THOC2: variants seen among roughly 807,000 people sequenced by gnomAD.
THOC2 encodes the protein THO complex subunit 2, also known as THO complex 2.
Under a neutral mutation model 128.4 loss-of-function variants are expected in THOC2, and 10 were observed. The ratio of observed to expected loss-of-function variants is 0.08; its 90% CI spans 0.05 to 0.13. The LOEUF (loss-of-function observed/expected upper bound fraction) is 0.13. Among genes scored for constraint, THOC2 ranks in the 10% least tolerant of loss-of-function variants. The probability of loss-of-function intolerance (pLI) is 1.00; values close to 1 mark genes in which losing one functional copy is unlikely to be tolerated. For missense variants in THOC2, 535 were observed against 1,155.7 expected, an observed-to-expected ratio of 0.46 and a Z score of 7.79; for synonymous variants, 393 against 396.9, an observed-to-expected ratio of 0.99 and a Z score of 0.12.
At chrX:123,644,201 A>G (rs1214537302) in intron 15 of THOC2, among the ~76,000 whole-genome samples, 1 of 112,507 alleles carries the variant, frequency 8.9e-6, no homozygotes. Flanking sequence ...TCATTATGGT[A>G]ACTTTCAGCA....
intron 4 of THOC2, among the ~76,000 whole-genome samples, chrX:123,698,330 C>G (rs6648541): frequency 9.1e-6 from 1 of 109,821 alleles, no homozygotes; most frequent in East Asian, 2.9e-4. Flanking sequence ...TGGTGGCACA[C>G]GCCTGTAATT....
rs376425438 is a variant in THOC2 at position 123,606,856 on chromosome X, A to G, written c.*18+4062T>C. Among the ~76,000 whole-genome samples, 11 of 111,536 alleles carry G rather than the reference A, an allele frequency of 9.9e-5. No individual in the cohort carries two copies. In the East Asian group the frequency reaches 1.7e-3, roughly 17 times the overall value. On this transcript the variant is annotated intron_variant, in intron 38 of 38. Transcript: ENST00000245838. ...ATGTTCTTTAAAATCAAAGTCCTAC[A>G]TCCAAAATAATAAAAAGCAAGGAGA...
At chrX:123,656,257 G>C (rs1430542710) in intron 12 of THOC2, among the ~76,000 whole-genome samples, 6 of 105,014 alleles carry the variant, frequency 5.7e-5, no homozygotes, top group Non-Finnish European at 9.8e-5. Context: ...CGTGAACCCG[G>C]GAGGCAGAGG....
chrX:123,627,595 C>A (rs1374903410), intron 23 of THOC2, 98 bp downstream of exon 23: 8 of 858,408 alleles, frequency 9.3e-6, no homozygotes, highest in Non-Finnish European at 1.1e-5. Flanking sequence ...GCAACAAGAT[C>A]ACTGTTTTAA....
chrX:123,699,500 A>G (rs2050602361), intron 4 of THOC2, among the ~76,000 whole-genome samples: 1 of 111,846 alleles, frequency 8.9e-6, no homozygotes, highest in African/African-American at 3.2e-5. Flanking sequence ...GGGACTCCCA[A>G]TTGTTGCCCT....
chrX:123,638,748 A>T (rs866475421), intron 17 of THOC2, among the ~76,000 whole-genome samples, 186 bp downstream of exon 17: 1 of 103,660 alleles, frequency 9.6e-6, no homozygotes, highest in African/African-American at 3.8e-5. Flanking sequence ...ACACACACAC[A>T]CACTCTCTCT....
At chrX:123,660,658 T>C (rs1389459004) in intron 12 of THOC2, among the ~76,000 whole-genome samples, 2 of 112,324 alleles carry the variant, frequency 1.8e-5, no homozygotes, top group South Asian at 7.4e-4. Context: ...CTAGCTAACA[T>C]GAATCATCCT....
At chrX:123,608,091 A>AT (rs990401836) in intron 38 of THOC2, among the ~76,000 whole-genome samples, 25 of 109,944 alleles carry the variant, frequency 2.3e-4, no homozygotes, top group Middle Eastern at 4.7e-3. Flanking sequence ...TCCATTTAAA[A>AT]TTTTTTTTTG....
chrX:123,731,335 C>G (rs2052243397), intron 1 of THOC2, among the ~76,000 whole-genome samples: 1 of 110,953 alleles, frequency 9.0e-6, no homozygotes, highest in Non-Finnish European at 1.9e-5. Context: ...TGTGTTAAAC[C>G]AAAAGAAATA....
intron 16 of THOC2, 22 bp from the exon 17 acceptor site, chrX:123,639,049 T>C (rs753966219): frequency 1.1e-5 from 10 of 902,548 alleles, no homozygotes; most frequent in African/African-American, 2.0e-5. Flanking sequence ...CAACAAACAA[T>C]AGAAGGCATT....
intron 38 of THOC2, among the ~76,000 whole-genome samples, chrX:123,608,809 G>A (rs965818367): frequency 8.9e-6 from 1 of 112,147 alleles, no homozygotes; most frequent in African/African-American, 3.2e-5. Context: ...AGAAAGTATC[G>A]TACAAAGTTG....
Position 123,638,022 on chromosome X carries a change from T to C in THOC2, c.1921+21A>G, listed in dbSNP as rs373888228. On this transcript the variant is annotated intron_variant, in intron 18 of 38. Transcript: ENST00000245838. Reference sequence around the variant, plus strand: ...TTACCACAGATAGTAATTTCATCTTTGGAAAAATAAAAATACTTACTCTGA... The same window carrying C: ...TTACCACAGATAGTAATTTCATCTTCGGAAAAATAAAAATACTTACTCTGA... 4.5e-5 allele frequency: 51 copies of C among 1,131,313 alleles called. No individual in the cohort carries two copies. The African/African-American group carries it at 7.8e-4, about 17-fold the overall frequency. The allele number at this position is 1,131,313 out of a possible 1,213,427, so 93.2% of individuals were successfully genotyped here. A position where few individuals can be genotyped will look rare whatever the true frequency, so the allele number is the denominator to read the frequency against.
intron 36 of THOC2, among the ~76,000 whole-genome samples, chrX:123,612,623 G>T (rs998694783): frequency 3.6e-5 from 4 of 111,181 alleles, no homozygotes; most frequent in African/African-American, 1.3e-4. Flanking sequence ...ACAATACTGT[G>T]AATATACTAA....
At chrX:123,667,388 T>C in intron 10 of THOC2, 110 bp from the exon 11 acceptor site, 1 of 534,291 alleles carries the variant, frequency 1.9e-6, no homozygotes, top group Non-Finnish European at 3.0e-6. Flanking sequence ...ATATTTGCTA[T>C]TCATGGGAAA....
intron 8 of THOC2, among the ~76,000 whole-genome samples, chrX:123,678,165 T>G (rs1314282934): frequency 9.0e-6 from 1 of 111,624 alleles, no homozygotes; most frequent in Non-Finnish European, 1.9e-5. Context: ...TTGCCTGGTT[T>G]GTTTGTTTCA....
intron 17 of THOC2, 58 bp from the exon 18 acceptor site, chrX:123,638,181 A>C: frequency 1.3e-6 from 1 of 789,132 alleles, no homozygotes; most frequent in Non-Finnish European, 1.8e-6. Context: ...CCCTTAAAAC[A>C]TGAATATGCC....
At chrX:123,730,858 C>A (rs757073485) in intron 1 of THOC2, among the ~76,000 whole-genome samples, 6 of 111,939 alleles carry the variant, frequency 5.4e-5, no homozygotes, top group Admixed American at 3.8e-4. Flanking sequence ...ACAGGAGAAT[C>A]GCTTGAACGT....
intron 33 of THOC2, among the ~76,000 whole-genome samples, chrX:123,617,179 T>C (rs889832141): frequency 9.9e-5 from 11 of 110,868 alleles, no homozygotes; most frequent in African/African-American, 3.6e-4. Context: ...AAACCAGTAC[T>C]TTGCATGCTT....
At chrX:123,714,861 G>A (rs2051338830) in intron 1 of THOC2, among the ~76,000 whole-genome samples, 1 of 111,342 alleles carries the variant, frequency 9.0e-6, no homozygotes, top group Non-Finnish European at 1.9e-5. Context: ...CAATTATGTA[G>A]AAATTAAACA....
Sources: gnomAD v4.1 joint callset for allele counts (sites outside exome capture counted in the v4.1 genomes callset) on GRCh38, gnomAD v4.1.1 for gene constraint, MANE v1.5 for transcripts, NCBI Gene and HGNC (gene_info 2026-07-23, HGNC 2026-07-21) for gene names.